The following GABPB2 variants were observed in gnomAD, a reference collection of about 807,000 sequenced individuals.
GABPB2 encodes the protein GA-binding protein subunit beta-2.
In GABPB2, 23 loss-of-function variants were observed where a neutral mutation model predicts 39.1. The ratio of observed to expected loss-of-function variants is 0.59; its 90% CI spans 0.42 to 0.83. The LOEUF is 0.83. Ranked by LOEUF, GABPB2 falls within the 40% of genes least tolerant of loss-of-function variation. The pLI, the probability that GABPB2 is intolerant of heterozygous loss-of-function variation, is 0.00. For synonymous variants in GABPB2, 184 were observed against 199.3 expected, an observed-to-expected ratio of 0.92 and a Z score of 0.65; for missense variants, 467 against 541.1, an observed-to-expected ratio of 0.86 and a Z score of 1.36.
At chr1:151,095,679 A>T (rs1679045722) in intron 4 of GABPB2, among the ~76,000 whole-genome samples, 1 of 152,092 alleles carries the variant, frequency 6.6e-6, no homozygotes, top group Non-Finnish European at 1.5e-5. Flanking sequence ...CCTATCTTTA[A>T]TTTTATCGTG....
intron 1 of GABPB2, among the ~76,000 whole-genome samples, chr1:151,085,313 C>T (rs1281586250): frequency 6.6e-6 from 1 of 152,046 alleles, no homozygotes; most frequent in Non-Finnish European, 1.5e-5. Flanking sequence ...AGGAGAATCG[C>T]TTGTACCTGG....
At chr1:151,084,749 T>C (rs1678031354) in intron 1 of GABPB2, among the ~76,000 whole-genome samples, 1 of 146,444 alleles carries the variant, frequency 6.8e-6, no homozygotes, top group Admixed American at 6.9e-5. Flanking sequence ...TTAGCCAGGA[T>C]GGTCTCGATC....
chr1:151,101,163 G>A (rs1679493424), intron 5 of GABPB2, among the ~76,000 whole-genome samples: 1 of 152,106 alleles, frequency 6.6e-6, no homozygotes, highest in African/African-American at 2.4e-5. Flanking sequence ...TGAGGTGGGA[G>A]AACAGCTTGG....
chr1:151,078,508 G>C lies in GABPB2; in HGVS notation c.-1+7574G>C, dbSNP rs587683714. ...CTCAGGAGGCTGAGGCAGGAGAATG[G>C]CATGAATCCGGGAGACGGAGCTTGC... On this transcript the variant is annotated intron_variant, in intron 1 of 8. Coordinates refer to ENST00000368918, the MANE Select transcript of GABPB2 (RefSeq NM_144618.3). Among the ~76,000 whole-genome samples the C allele has an allele frequency of 2.0e-5, 3 of 151,734 alleles. No homozygotes were observed. In the South Asian group the frequency reaches 6.2e-4, roughly 32 times the overall value.
chr1:151,086,083 A>G (rs1184389481), intron 1 of GABPB2, among the ~76,000 whole-genome samples: 5 of 152,090 alleles, frequency 3.3e-5, no homozygotes, highest in Non-Finnish European at 7.4e-5. Context: ...CATCTCTACA[A>G]AAAATACAAA....
chr1:151,122,987 G>C lies in GABPB2; in HGVS notation c.*4731G>C, dbSNP rs934324123. 1 of 151,972 alleles carries C rather than the reference G, an allele frequency of 6.6e-6. No homozygotes were observed. Among genetic ancestry groups the C allele is most frequent in the African/African-American group, 2.4e-5 (1 of 41,370 alleles). The allele number at this position is 151,972 out of a possible 1,614,324, so 9.4% of individuals were successfully genotyped here. ...TTGCCATGGAGAGAATGGCAGGTGA[G>C]GATGCTTTGAAGTAGTTAGAAATTA... On this transcript the variant is annotated 3_prime_UTR_variant, in exon 9 of 9. Transcript: ENST00000368918.
intron 1 of GABPB2, among the ~76,000 whole-genome samples, chr1:151,080,232 A>T (rs12041464): frequency 2.5e-5 from 3 of 118,910 alleles, no homozygotes; most frequent in East Asian, 2.5e-4. Flanking sequence ...AAAAAAAAAA[A>T]AAAAAAAAAA....
intron 1 of GABPB2, among the ~76,000 whole-genome samples, chr1:151,079,959 G>A (rs1157769599): frequency 1.3e-5 from 2 of 151,892 alleles, no homozygotes; most frequent in Non-Finnish European, 2.9e-5. Flanking sequence ...GCTCATGCCT[G>A]TAATCCCAGC....
chr1:151,078,342 C>G (rs1677366285), intron 1 of GABPB2, among the ~76,000 whole-genome samples: 1 of 151,890 alleles, frequency 6.6e-6, no homozygotes, highest in Non-Finnish European at 1.5e-5. Context: ...GCCTGTAATC[C>G]CAGCACTTTG....
At chr1:151,113,469 C>CA (rs959062545) in intron 7 of GABPB2, among the ~76,000 whole-genome samples, 10,526 of 62,764 alleles carry the variant, frequency 0.17, 683 homozygotes, top group African/African-American at 0.25. Context: ...ACTCCAACTG[C>CA]AAAAAAAAAA....
rs182494554 is a variant in GABPB2 at position 151,075,457 on chromosome 1, G to C, written c.-1+4523G>C. On this transcript the variant is annotated intron_variant, in intron 1 of 8. Transcript: ENST00000368918. ...CGGGCGCCTGTAGTCCCAGCTACTC[G>C]GGAGGCCGAGGCAGGAGAATGGCGT... 4.4e-3 allele frequency among the ~76,000 whole-genome samples: 673 copies of C among 151,836 alleles called. 4 individuals carry two copies. The highest frequency in any genetic ancestry group is 0.016 in the African/African-American group (643 of 41,378).
In GABPB2 at chr1:151,118,595, TAATATATATGCACC is replaced by T. The variant is rs1681058039; in HGVS notation, c.*351_*364del. 1 of 207,292 alleles carries T rather than the reference TAATATATATGCACC, an allele frequency of 4.8e-6. No individual in the cohort carries two copies. The highest frequency in any genetic ancestry group is 1.1e-4 in the South Asian group (1 of 8,834). The allele number at this position is 207,292 out of a possible 1,614,324, so 12.8% of individuals were successfully genotyped here. The stretch of plus-strand genomic sequence containing the variant: ...ACAAAAGATTTTAAGATAACATTTC[TAATATATATGCACC>T]AATATATATGCCTTTAATAATTATA... On this transcript the variant is annotated 3_prime_UTR_variant, in exon 9 of 9. Transcript: ENST00000368918.
At chr1:151,088,647 A>G in intron 2 of GABPB2, 1 of 294,806 alleles carries the variant, frequency 3.4e-6, no homozygotes, top group Admixed American at 5.0e-5. Context: ...ATATAATAAG[A>G]ATGCATTCCT....
At chr1:151,090,870 C>T (rs1369807562) in intron 3 of GABPB2, among the ~76,000 whole-genome samples, 4 of 151,602 alleles carry the variant, frequency 2.6e-5, no homozygotes, top group South Asian at 2.1e-4. Context: ...TGGTGGTGCG[C>T]GACTGTAATC....
intron 1 of GABPB2, among the ~76,000 whole-genome samples, chr1:151,078,671 G>A (rs150912022): frequency 0.048 from 7,306 of 151,566 alleles, 297 homozygotes; most frequent in African/African-American, 0.1. Context: ...AGACAGTCTC[G>A]CTCTGTTACC....
intron 6 of GABPB2, among the ~76,000 whole-genome samples, chr1:151,106,581 G>A (rs781365407): frequency 2.1e-4 from 32 of 151,814 alleles, no homozygotes; most frequent in Non-Finnish European, 2.8e-4. Flanking sequence ...CAAGTGATTC[G>A]CCCATCTTGG....
chr1:151,097,453 A>G (rs1003626757), intron 4 of GABPB2, among the ~76,000 whole-genome samples: 6 of 152,044 alleles, frequency 3.9e-5, no homozygotes, highest in Non-Finnish European at 8.8e-5. Context: ...ATGGGAGTGG[A>G]ATATGCTGTT....
intron 7 of GABPB2, among the ~76,000 whole-genome samples, chr1:151,113,132 C>CA (rs1680594461): frequency 6.6e-6 from 1 of 151,742 alleles, no homozygotes; most frequent in Non-Finnish European, 1.5e-5. Flanking sequence ...AGGCTGGTCT[C>CA]AGACTCCTAG....
At chr1:151,080,548 T>TAAATAAAA (rs1457721143) in intron 1 of GABPB2, among the ~76,000 whole-genome samples, 8 of 144,456 alleles carry the variant, frequency 5.5e-5, no homozygotes, top group African/African-American at 1.8e-4. Flanking sequence ...AATAAATAAA[T>TAAATAAAA]AAAATAAAAA....
Sources: gnomAD v4.1 joint callset for allele counts (sites outside exome capture counted in the v4.1 genomes callset) on GRCh38, gnomAD v4.1.1 for gene constraint, MANE v1.5 for transcripts, NCBI Gene and HGNC (gene_info 2026-07-23, HGNC 2026-07-21) for gene names.